Variants in SLC4A2 observed in about 807,000 individuals in gnomAD.
SLC4A2 encodes anion exchange protein 2.
SLC4A2 carries 36 observed loss-of-function variants against 115.0 expected under a neutral mutation model. The ratio of observed to expected loss-of-function variants is 0.31; its 90% CI spans 0.24 to 0.41. The LOEUF is 0.41. SLC4A2 is among the 10% of genes least tolerant of loss of function. The probability of loss-of-function intolerance (pLI) is 1.00; values close to 1 mark genes in which losing one functional copy is unlikely to be tolerated. For synonymous variants in SLC4A2, 708 were observed against 708.3 expected (o/e 1.00, Z 0.01); for missense variants, 1,252 against 1,705.6 (o/e 0.73, Z 4.68).
Position 151,064,362 on chromosome 7 carries a change from T to A in SLC4A2, c.212T>A (p.Phe71Tyr). ...GGCCGCAGCTATGGGGAGGAAGACT[T>A]TGAGTGTGAGGGGGCAGGCAGGGGA... ...EPGRSYGEED[F>Y]EYHRQSSHHI... The change falls in exon 3 of 23, where the codon TTT (phenylalanine) becomes TAT (tyrosine). Residue 71 changes from phenylalanine (F) to tyrosine (Y), a missense_variant. Physicochemically the swap from Phe to Tyr is conservative, Grantham distance 22. Transcript: ENST00000413384. 1 of 1,592,268 alleles carries A rather than the reference T, an allele frequency of 6.3e-7. No homozygotes were observed. The highest frequency in any genetic ancestry group is 8.6e-7 in the Non-Finnish European group (1 of 1,169,432).
Position 151,062,746 on chromosome 7 carries a change from T to G in SLC4A2, c.51+708T>G, listed in dbSNP as rs1326938807. On this transcript the variant is annotated intron_variant, in intron 2 of 22. Transcript: ENST00000413384. ...CGTCCCCTCGTCCCACGGGGCTGCT[T>G]CTGGTGGGAGTGGGGCTGGGCGCTT... The G allele has an allele frequency of 2.2e-6, 3 of 1,394,904 alleles. No individual in the cohort carries two copies. The African/African-American group carries it at 4.5e-5, about 21-fold the overall frequency. The allele number at this position is 1,394,904 out of a possible 1,614,324, so 86.4% of individuals were successfully genotyped here. A position where few individuals can be genotyped will look rare whatever the true frequency, so the allele number is the denominator to read the frequency against.
At chr7:151,075,174 T>G in intron 19 of SLC4A2, 81 bp from the exon 20 acceptor site, 36 of 1,575,126 alleles carry the variant, frequency 2.3e-5, no homozygotes, top group Non-Finnish European at 3.0e-5. Context: ...ATGGAGGGAC[T>G]GGCTGGGCAT....
intron 11 of SLC4A2, 36 bp downstream of exon 11, chr7:151,070,607 G>A: frequency 1.2e-6 from 2 of 1,603,682 alleles, no homozygotes; most frequent in Admixed American, 1.7e-5. Context: ...GGGCTTGGTG[G>A]CCAGGCCTTG....
chr7:151,066,592 C>T lies in SLC4A2; in HGVS notation c.654C>T (p.Ala218=), dbSNP rs982341791. 2.6e-6 allele frequency: 4 copies of T among 1,547,724 alleles called. No individual in the cohort carries two copies. The African/African-American group carries it at 4.1e-5, about 16-fold the overall frequency. ...SGTAGGDDGG[A]SGRPLPKAQP... The stretch of plus-strand genomic sequence containing the variant: ...CTGCAGGGGGTGACGACGGGGGTGC[C>T]TCGGGGCGCCCCCTGCCCAAAGCCC... The change falls in exon 6 of 23, where the codon GCC becomes GCT. Residue 218 remains alanine (A), a synonymous_variant. Transcript: ENST00000413384.
chr7:151,070,017 C>T lies in SLC4A2; in HGVS notation c.1218C>T (p.Val406=), dbSNP rs1253521907. 3.1e-6 allele frequency: 5 copies of T among 1,614,022 alleles called. No individual in the cohort carries two copies. The highest frequency in any genetic ancestry group is 4.2e-6 in the Non-Finnish European group (5 of 1,180,032). ...CCCACCAGGTGGTGGAGCAGATGGT[C>T]ATCTCTGACCAGATCAAGGCCGAGG... is the stretch of plus-strand genomic sequence containing the variant. The part of the protein sequence containing the change: ...GVAHQVVEQM[V]ISDQIKAEDR... The change falls in exon 9 of 23, where the codon GTC becomes GTT. Residue 406 remains valine (V), a synonymous_variant. Coordinates refer to ENST00000413384, the MANE Select transcript of SLC4A2 (RefSeq NM_003040.4).
At chr7:151,061,649 C>T in intron 1 of SLC4A2, 1 of 340,094 alleles carries the variant, frequency 2.9e-6, no homozygotes. Flanking sequence ...TGACTCCTTT[C>T]TCCCTCATTT....
chr7:151,075,914 C>T (rs1335109692), intron 21 of SLC4A2, 99 bp from the exon 22 acceptor site: 49 of 1,450,114 alleles, frequency 3.4e-5, no homozygotes, highest in Non-Finnish European at 4.5e-5. Context: ...AGCTCTGGCA[C>T]CTAGGAATGT....
At position 151,075,516 on chromosome 7, in the gene SLC4A2, G is replaced by A; in HGVS notation, c.3301+8G>A. The A allele has an allele frequency of 4.4e-6, 7 of 1,596,574 alleles. No homozygotes were observed. The highest frequency in any genetic ancestry group is 5.9e-6 in the Non-Finnish European group (7 of 1,177,098). ...TGGTTGCCCTGCTTGTGGGTACGTTGCCTCTTGCCTTTCCCTTCCCAGTGG... is the reference window on the plus strand; with the variant it reads ...TGGTTGCCCTGCTTGTGGGTACGTTACCTCTTGCCTTTCCCTTCCCAGTGG... On this transcript the variant is annotated splice_region_variant and intron_variant, in intron 20 of 22. Coordinates refer to ENST00000413384, the MANE Select transcript of SLC4A2 (RefSeq NM_003040.4).
chr7:151,072,775 C>T (rs1797484482), intron 16 of SLC4A2, among the ~76,000 whole-genome samples: 1 of 151,886 alleles, frequency 6.6e-6, no homozygotes, highest in African/African-American at 2.4e-5. Flanking sequence ...TCTCCTGCCT[C>T]AGCCTCCCAA....
Position 151,060,846 on chromosome 7 carries a change from T to C in SLC4A2, c.-63-1079T>C, listed in dbSNP as rs116022196. ...CCTGGGTGACCCCCCCAGACCTATATTGTTTGACGCTACACTGACTTGTCT... is the reference window on the plus strand; with the variant it reads ...CCTGGGTGACCCCCCCAGACCTATACTGTTTGACGCTACACTGACTTGTCT... On this transcript the variant is annotated intron_variant, in intron 1 of 22. Transcript: ENST00000413384. This position sits in a 1 kb window ranked among gnomAD's most constrained non-coding sequence, Gnocchi z 5.9. Among the ~76,000 whole-genome samples the C allele has an allele frequency of 2.2e-3, 335 of 152,180 alleles. 3 individuals are homozygous for C. Among genetic ancestry groups the C allele is most frequent in the African/African-American group, 7.5e-3 (311 of 41,532 alleles).
rs11455015 is a variant in SLC4A2 at position 151,060,209 on chromosome 7, C to CG, written c.-64+449dup. 1 allele frequency: 152,315 copies of CG among 152,316 alleles called. 76,157 individuals carry two copies. Among genetic ancestry groups the CG allele is most frequent in the Non-Finnish European group, 1 (68,090 of 68,090 alleles). The allele number at this position is 152,316 out of a possible 1,614,324, so 9.4% of individuals were successfully genotyped here. Reference sequence around the variant, plus strand: ...AGGAAAGGCGGGTGGCGGGTAAGGTCGGACAAGGGGTCAGACAGAAGAGGG... The same window carrying CG: ...AGGAAAGGCGGGTGGCGGGTAAGGTCGGGACAAGGGGTCAGACAGAAGAGGG... On this transcript the variant is annotated intron_variant, in intron 1 of 22. Coordinates refer to ENST00000413384, the MANE Select transcript of SLC4A2 (RefSeq NM_003040.4). The surrounding 1 kb of genome is among the most constrained non-coding windows in gnomAD (Gnocchi z 5.9).
In SLC4A2 at chr7:151,067,049, C is replaced by T. The variant is rs192562920; in HGVS notation, c.966+56C>T. On this transcript the variant is annotated intron_variant, in intron 7 of 22. Coordinates refer to ENST00000413384, the MANE Select transcript of SLC4A2 (RefSeq NM_003040.4). ...AACTTCCCACACGACCCTGCCCCTA[C>T]CTCTCAGACCAGCTGTAATCTCAAG... is the stretch of plus-strand genomic sequence containing the variant. The T allele has an allele frequency of 3.2e-5, 47 of 1,489,474 alleles. No individual in the cohort carries two copies. In the East Asian group the frequency reaches 8.2e-4, roughly 26 times the overall value. The allele number at this position is 1,489,474 out of a possible 1,614,324, so 92.3% of individuals were successfully genotyped here.
chr7:151,068,908 G>C (rs898396886), intron 8 of SLC4A2, among the ~76,000 whole-genome samples: 2 of 151,780 alleles, frequency 1.3e-5, no homozygotes, highest in African/African-American at 2.4e-5. Context: ...GGGAGGCTGA[G>C]GTGGGTGGAT....
rs2150367922 is a variant in SLC4A2 at position 151,064,228 on chromosome 7, G to C, written c.78G>C (p.Gly26=). ...CTPEPESLGP[G]TPGFPEQEED... ...CAGAGCCAGAGAGCTTGGGCCCTGG[G>C]ACGCCTGGGTTCCCCGAGCAGGAGG... Residue 26 remains glycine (G), a synonymous_variant, in exon 3 of 23, where the codon GGG becomes GGC. Coordinates refer to ENST00000413384, the MANE Select transcript of SLC4A2 (RefSeq NM_003040.4). 1 of 1,612,426 alleles carries C rather than the reference G, an allele frequency of 6.2e-7. No individual in the cohort carries two copies. Among genetic ancestry groups the C allele is most frequent in the Non-Finnish European group, 8.5e-7 (1 of 1,179,946 alleles).
chr7:151,064,755 C>G lies in SLC4A2; in HGVS notation c.447C>G (p.Pro149=). ...ALTQPSPVST[P]SSVQFFLQED... ...CTCAGCCGTCCCCTGTCTCCACACC[C>G]TCCTCGGTGCAGGTGCGCTGGGTGC... Residue 149 remains proline (P), a synonymous_variant, in exon 4 of 23, where the codon CCC becomes CCG. Transcript: ENST00000413384. 6.2e-7 allele frequency: 1 copy of G among 1,608,854 alleles called. No individual in the cohort carries two copies. Among genetic ancestry groups the G allele is most frequent in the East Asian group, 2.2e-5 (1 of 44,770 alleles).
At chr7:151,067,043 C>A in intron 7 of SLC4A2, 50 bp downstream of exon 7, 1 of 1,515,298 alleles carries the variant, frequency 6.6e-7, no homozygotes. Context: ...CACGACCCTG[C>A]CCCTACCTCT....
chr7:151,074,315 GA>G (rs1422880792), intron 17 of SLC4A2, 22 bp downstream of exon 17: 3 of 1,609,400 alleles, frequency 1.9e-6, no homozygotes, highest in Non-Finnish European at 2.5e-6. Flanking sequence ...TAAAGGCCAA[GA>G]GGGGGTTAGG....
At chr7:151,061,712 G>C (rs1057500844) in intron 1 of SLC4A2, 3 of 462,048 alleles carry the variant, frequency 6.5e-6, no homozygotes, top group African/African-American at 1.9e-5. Flanking sequence ...TCAGCCTCTC[G>C]GCCCTTTTCG....
chr7:151,075,949 G>T lies in SLC4A2; in HGVS notation c.3472-64G>T, dbSNP rs34863137. Reference sequence around the variant, plus strand: ...TTCTTCCATCCCCGCCTCCGAAGAAGAGAGAGGCTCTTCCCAGCAGCAGGC... The same window carrying T: ...TTCTTCCATCCCCGCCTCCGAAGAATAGAGAGGCTCTTCCCAGCAGCAGGC... On this transcript the variant is annotated intron_variant, in intron 21 of 22. Transcript: ENST00000413384. The T allele has an allele frequency of 1.2e-3, 1,794 of 1,516,266 alleles. 13 individuals carry two copies. In the African/African-American group the frequency reaches 0.022, roughly 18 times the overall value. The allele number at this position is 1,516,266 out of a possible 1,614,324, so 93.9% of individuals were successfully genotyped here.
Sources: allele counts gnomAD v4.1 joint callset (sites outside exome capture counted in the v4.1 genomes callset), GRCh38; gene constraint gnomAD v4.1.1; non-coding constraint Gnocchi (gnomAD v3.1); transcripts MANE v1.5; gene names NCBI Gene and HGNC (gene_info 2026-07-23, HGNC 2026-07-21).